HCLS1: variants seen among roughly 807,000 people sequenced by gnomAD.
The protein encoded by HCLS1 is hematopoietic cell-specific Lyn substrate 1, also known as hematopoietic lineage cell-specific protein.
A neutral mutation model predicts 68.6 loss-of-function variants in HCLS1; 44 were observed. The observed-to-expected ratio is 0.64, with a 90% CI of 0.50 to 0.82. The LOEUF is 0.82. Among genes scored for constraint, HCLS1 ranks in the 40% least tolerant of loss-of-function variants. The probability of loss-of-function intolerance (pLI) is 0.00; values close to 1 mark genes in which losing one functional copy is unlikely to be tolerated. For synonymous variants in HCLS1, 217 were observed against 225.8 expected, an observed-to-expected ratio of 0.96 and a Z score of 0.35; for missense variants, 602 against 612.1, an observed-to-expected ratio of 0.98 and a Z score of 0.17.
intron 7 of HCLS1, 26 bp from the exon 8 acceptor site, chr3:121,636,515 TAGG>T: frequency 6.3e-7 from 1 of 1,593,938 alleles, no homozygotes. Flanking sequence ...TTCTGAGTTA[TAGG>T]AGATCAAAAT....
rs1355409906 is a variant in HCLS1 at position 121,635,759 on chromosome 3, T to C, written c.667A>G (p.Lys223Glu). 1.9e-6 allele frequency: 3 copies of C among 1,614,108 alleles called. No individual in the cohort carries two copies. Among genetic ancestry groups the C allele is most frequent in the East Asian group, 4.5e-5 (2 of 44,886 alleles). ...NEMEAPTTAYKKTTPIEAASS... is the reference protein window; with the variant it reads ...NEMEAPTTAYEKTTPIEAASS... ...CCGGCTTCTATGGGCGTCGTCTTCT[T>C]ATAAGCTGTGGTCGGGGCCTCCATT... Residue 223 changes from lysine (K) to glutamate (E), a missense_variant, in exon 9 of 14, where the codon AAG becomes GAG. By Grantham distance (56) the Lys-to-Glu change is moderately conservative (BLOSUM62 1). Coordinates refer to ENST00000314583, the MANE Select transcript of HCLS1 (RefSeq NM_005335.6).
intron 3 of HCLS1, among the ~76,000 whole-genome samples, chr3:121,649,334 C>T (rs1335911774): frequency 6.6e-6 from 1 of 152,164 alleles, no homozygotes; most frequent in Non-Finnish European, 1.5e-5. Flanking sequence ...CTCCCGGGTT[C>T]AAGTGATTCT....
At chr3:121,639,287 A>ATGTT (rs1460955594) in intron 6 of HCLS1, among the ~76,000 whole-genome samples, 1 of 150,182 alleles carries the variant, frequency 6.7e-6, no homozygotes, top group Non-Finnish European at 1.5e-5. Flanking sequence ...ACATTGACCA[A>ATGTT]ATAGACCATG....
chr3:121,649,466 C>T (rs979243714), intron 3 of HCLS1, among the ~76,000 whole-genome samples: 11 of 152,192 alleles, frequency 7.2e-5, no homozygotes, highest in Admixed American at 5.2e-4. Context: ...AACTCCTGAC[C>T]TCAAGTGATC....
intron 3 of HCLS1, among the ~76,000 whole-genome samples, chr3:121,652,288 T>G (rs987002167): frequency 8.5e-5 from 13 of 152,168 alleles, no homozygotes; most frequent in Admixed American, 5.2e-4. Flanking sequence ...CTTGATTGCA[T>G]TGGTGGTTAT....
intron 6 of HCLS1, among the ~76,000 whole-genome samples, chr3:121,637,674 G>A (rs2049162761): frequency 6.6e-6 from 1 of 152,112 alleles, no homozygotes; most frequent in Non-Finnish European, 1.5e-5. Flanking sequence ...CGGTGCTCAT[G>A]CCTGTAATCC....
At chr3:121,647,511 A>C in intron 3 of HCLS1, 63 bp from the exon 4 acceptor site, 1 of 1,581,034 alleles carries the variant, frequency 6.3e-7, no homozygotes. Context: ...CCATCTTCCC[A>C]GAAAAATGGA....
At chr3:121,645,095 T>C (rs559713316) in intron 4 of HCLS1, among the ~76,000 whole-genome samples, 167 bp from the exon 5 acceptor site, 90 of 152,314 alleles carry the variant, frequency 5.9e-4, no homozygotes, top group African/African-American at 2.1e-3. Context: ...AAGATGACTT[T>C]TTCTGGAGAC....
chr3:121,658,568 G>C (rs969448321), intron 1 of HCLS1, among the ~76,000 whole-genome samples: 6 of 152,184 alleles, frequency 3.9e-5, no homozygotes, highest in Admixed American at 1.3e-4. Flanking sequence ...GAATTGATGT[G>C]GGCTGGGCCC....
At chr3:121,652,445 G>A (rs1937770804) in intron 3 of HCLS1, among the ~76,000 whole-genome samples, 1 of 152,158 alleles carries the variant, frequency 6.6e-6, no homozygotes, top group African/African-American at 2.4e-5. Flanking sequence ...CTTGAGGTCA[G>A]GAGTTCAAGA....
At position 121,657,296 on chromosome 3, in the gene HCLS1, T is replaced by C. The variant is rs572776910; in HGVS notation, c.141A>G (p.Gly47=). ...GCACCTACTTGATGTGTTCTGTGCG[T>C]CCAGACCCCTCGATGGTCTTGGCTC... ...RWGAKTIEGS[G]RTEHINIHQL... The change falls in exon 3 of 14, where the codon GGA becomes GGG. Residue 47 remains glycine (G), a synonymous_variant. Transcript: ENST00000314583. The C allele has an allele frequency of 6.2e-7, 1 of 1,614,090 alleles. No individual in the cohort carries two copies. Among genetic ancestry groups the C allele is most frequent in the African/African-American group, 1.3e-5 (1 of 75,042 alleles).
intron 5 of HCLS1, 196 bp downstream of exon 5, chr3:121,644,622 T>C (rs2049228348): frequency 1.5e-6 from 1 of 688,378 alleles, no homozygotes; most frequent in South Asian, 1.5e-5. Flanking sequence ...ATCACTGTCT[T>C]TCAGCTCAGC....
At chr3:121,642,037 G>A (rs1218368929) in intron 6 of HCLS1, among the ~76,000 whole-genome samples, 2 of 131,088 alleles carry the variant, frequency 1.5e-5, no homozygotes, top group South Asian at 2.6e-4. Context: ...CCGAGATCCA[G>A]CCACTGCACT....
At position 121,641,327 on chromosome 3, in the gene HCLS1, A is replaced by C. The variant is rs187347411; in HGVS notation, c.454+1600T>G. Among the ~76,000 whole-genome samples the C allele has an allele frequency of 4.3e-3, 650 of 152,364 alleles. 3 individuals are homozygous for C. Among genetic ancestry groups the C allele is most frequent in the African/African-American group, 9.5e-3 (395 of 41,582 alleles). ...GATGAAGGGAAAATAAAAATGAAGA[A>C]TGATGCAACATAAAGACATTTTTCA... On this transcript the variant is annotated intron_variant, in intron 6 of 13. Coordinates refer to ENST00000314583, the MANE Select transcript of HCLS1 (RefSeq NM_005335.6).
intron 3 of HCLS1, chr3:121,653,563 G>C (rs959108600): frequency 1.3e-5 from 2 of 152,178 alleles, no homozygotes; most frequent in Non-Finnish European, 2.9e-5. Flanking sequence ...AACAGGGATG[G>C]TACTATAATC....
chr3:121,647,403 G>C lies in HCLS1; in HGVS notation c.204C>G (p.Leu68=). ...GCCCTGACTCCATCTCTTTCTTCCT[G>C]AGAACATCATGCTCCTCTGATACTT... ...RNKVSEEHDV[L]RKKEMESGPK... is the part of the protein sequence containing the mutation. Residue 68 remains leucine (L), a synonymous_variant, in exon 4 of 14, where the codon CTC becomes CTG. Transcript: ENST00000314583. 1 of 1,613,974 alleles carries C rather than the reference G, an allele frequency of 6.2e-7. No individual in the cohort carries two copies. The highest frequency in any genetic ancestry group is 8.5e-7 in the Non-Finnish European group (1 of 1,179,934).
In HCLS1 at chr3:121,632,365, G is replaced by C. The variant is rs375796675; in HGVS notation, c.1207C>G (p.Pro403Ala). 6.2e-7 allele frequency: 1 copy of C among 1,613,956 alleles called. No homozygotes were observed. Among genetic ancestry groups the C allele is most frequent in the African/African-American group, 1.3e-5 (1 of 74,886 alleles). The change falls in exon 12 of 14, where the codon CCT becomes GCT. Residue 403 changes from proline (P) to alanine (A), a missense_variant. Transcript: ENST00000314583. ...PEGDYEEVLEPEDSSFSSALA... is the reference protein window; with the variant it reads ...PEGDYEEVLEAEDSSFSSALA... ...GCAGAAGAAAAAGAAGAATCTTCAG[G>C]CTCGAGCACCTCCTCATAGTCCCCC...
intron 6 of HCLS1, among the ~76,000 whole-genome samples, chr3:121,640,777 AAGGGAAGGGG>A (rs1228432193): frequency 4.4e-5 from 3 of 67,810 alleles, no homozygotes; most frequent in African/African-American, 1.5e-4. Flanking sequence ...GAGGGAAGGC[AAGGGAAGGGG>A]AGGGGAGGGG....
At chr3:121,647,169 G>C (rs1937624937) in intron 4 of HCLS1, 150 bp downstream of exon 4, 2 of 715,926 alleles carry the variant, frequency 2.8e-6, no homozygotes, top group Non-Finnish European at 4.6e-6. Flanking sequence ...TTTTAGTAGA[G>C]ATGGGGTTTC....
Sources: allele counts gnomAD v4.1 joint callset (sites outside exome capture counted in the v4.1 genomes callset), GRCh38; gene constraint gnomAD v4.1.1; transcripts MANE v1.5; gene names NCBI Gene and HGNC (gene_info 2026-07-23, HGNC 2026-07-21).